Variants in COL5A2 observed in about 807,000 individuals in gnomAD.
COL5A2 encodes the protein collagen alpha-2(V) chain.
In COL5A2, 23 loss-of-function variants were observed where a neutral mutation model predicts 208.2. The observed-to-expected ratio is 0.11, with a 90% confidence interval of 0.08 to 0.16. COL5A2 has a LOEUF of 0.16. COL5A2 is among the 10% of genes least tolerant of loss of function. The probability of loss-of-function intolerance (pLI) is 1.00; values close to 1 mark genes in which losing one functional copy is unlikely to be tolerated. For missense variants in COL5A2, 1,590 were observed against 1,956.4 expected (o/e 0.81, Z 3.53); for synonymous variants, 625 against 628.5 (o/e 0.99, Z 0.08).
chr2:189,122,345 G>A (rs1335460019), intron 1 of COL5A2, among the ~76,000 whole-genome samples: 1 of 152,124 alleles, frequency 6.6e-6, no homozygotes, highest in Non-Finnish European at 1.5e-5. Flanking sequence ...TATTTGAGGT[G>A]GTGGGGGTAA....
the COL5A2 span, among the ~76,000 whole-genome samples, chr2:189,245,455 T>C: frequency 6.6e-6 from 1 of 151,760 alleles, no homozygotes; most frequent in Admixed American, 6.6e-5. Context: ...TCTGTTTTAT[T>C]TTAAGATTAA....
chr2:189,044,380 C>T (rs148239790), intron 47 of COL5A2, among the ~76,000 whole-genome samples: 6 of 152,030 alleles, frequency 3.9e-5, no homozygotes, highest in African/African-American at 1.2e-4. Flanking sequence ...TCATAATGTT[C>T]GAAAGGTTCT....
At chr2:189,437,587 A>T in the COL5A2 span, among the ~76,000 whole-genome samples, 4 of 152,230 alleles carry the variant, frequency 2.6e-5, no homozygotes, top group South Asian at 8.3e-4. Context: ...GTTAACCTTA[A>T]ATGGAACATA....
intron 29 of COL5A2, 96 bp from the exon 30 acceptor site, chr2:189,061,711 T>C: frequency 2.2e-6 from 2 of 921,230 alleles, no homozygotes; most frequent in Non-Finnish European, 1.8e-6. Flanking sequence ...TTTATTTGTA[T>C]TTCTTCCAAT....
Position 189,070,082 on chromosome 2 carries a change from C to T in COL5A2, c.1159-1198G>A, listed in dbSNP as rs145797051. On this transcript the variant is annotated intron_variant, in intron 18 of 53. Transcript: ENST00000374866. The stretch of plus-strand genomic sequence containing the variant: ...TGAGTCCAGCTGGCAAATAAAAATG[C>T]CTAGTTGAGTTTTCATTCATATAAA... Among the ~76,000 whole-genome samples the T allele has an allele frequency of 5.8e-3, 880 of 152,238 alleles. 7 individuals carry two copies. The highest frequency in any genetic ancestry group is 5.9e-3 in the Non-Finnish European group (404 of 68,014).
chr2:189,058,551 A>G, intron 32 of COL5A2, 24 bp from the exon 33 acceptor site: 1 of 1,563,930 alleles, frequency 6.4e-7, no homozygotes, highest in Non-Finnish European at 8.8e-7. Context: ...GGGATGTCAA[A>G]TAATCTCAAT....
chr2:189,278,731 T>C, the COL5A2 span, among the ~76,000 whole-genome samples: 1 of 152,076 alleles, frequency 6.6e-6, no homozygotes, highest in Non-Finnish European at 1.5e-5. Flanking sequence ...TCTTAGATAC[T>C]GATACTTCTT....
intron 11 of COL5A2, 96 bp downstream of exon 11, chr2:189,085,064 G>T: frequency 1.0e-6 from 1 of 990,318 alleles, no homozygotes. Flanking sequence ...AAAGGGTGGG[G>T]AAATGTAATG....
intron 1 of COL5A2, among the ~76,000 whole-genome samples, chr2:189,212,474 T>C (rs1689225991): frequency 6.6e-6 from 1 of 151,512 alleles, no homozygotes; most frequent in Non-Finnish European, 1.5e-5. Flanking sequence ...CCAGTCTCTA[T>C]TAAAAATACA....
chr2:189,259,459 G>C, the COL5A2 span, among the ~76,000 whole-genome samples: 1 of 152,052 alleles, frequency 6.6e-6, no homozygotes, highest in Admixed American at 6.6e-5. Flanking sequence ...CCCTAATTTA[G>C]ACCAAATTTT....
At chr2:189,266,792 T>C in the COL5A2 span, among the ~76,000 whole-genome samples, 2 of 152,140 alleles carry the variant, frequency 1.3e-5, no homozygotes, top group Non-Finnish European at 2.9e-5. Context: ...CCTCAAAAGA[T>C]GTTATAAAAG....
At chr2:189,430,447 A>C in the COL5A2 span, among the ~76,000 whole-genome samples, 1 of 152,190 alleles carries the variant, frequency 6.6e-6, no homozygotes, top group African/African-American at 2.4e-5. Flanking sequence ...AGCCAAGGGA[A>C]GCCATGACAG....
chr2:189,301,414 A>T, the COL5A2 span, among the ~76,000 whole-genome samples: 1 of 152,318 alleles, frequency 6.6e-6, no homozygotes, highest in African/African-American at 2.4e-5. Flanking sequence ...TTGGGAAATA[A>T]GAATCTCTAT....
chr2:189,266,363 T>A, the COL5A2 span, among the ~76,000 whole-genome samples: 1 of 151,304 alleles, frequency 6.6e-6, no homozygotes, highest in Non-Finnish European at 1.5e-5. Context: ...GAGGCGGAGG[T>A]TACAGTGAGC....
At chr2:189,157,133 T>TATAGATATATATAGATATAGATATATCG (rs1248443342) in intron 1 of COL5A2, among the ~76,000 whole-genome samples, 4 of 82,840 alleles carry the variant, frequency 4.8e-5, no homozygotes, top group Admixed American at 4.0e-4. Context: ...TCTATCTATA[T>TATAGATATATATAGATATAGATATATCG]ATATATCTAT....
chr2:189,318,276 A>AT, the COL5A2 span, among the ~76,000 whole-genome samples: 3 of 152,174 alleles, frequency 2.0e-5, no homozygotes, highest in Non-Finnish European at 2.9e-5. Flanking sequence ...TGACAAGGGG[A>AT]TAAAAAATAC....
chr2:189,194,482 A>G (rs1460998620), intron 1 of COL5A2, among the ~76,000 whole-genome samples: 1 of 152,124 alleles, frequency 6.6e-6, no homozygotes, highest in South Asian at 2.1e-4. Context: ...TTTTTTTCCA[A>G]TTAACACTGT....
chr2:189,381,287 T>TTAAAAAA, the COL5A2 span, among the ~76,000 whole-genome samples: 170 of 152,232 alleles, frequency 1.1e-3, no homozygotes, highest in African/African-American at 3.7e-3. Flanking sequence ...AAGAAACATC[T>TTAAAAAA]ATCAGAAGCT....
the COL5A2 span, among the ~76,000 whole-genome samples, chr2:189,266,862 A>G: frequency 6.6e-6 from 1 of 152,194 alleles, no homozygotes; most frequent in East Asian, 1.9e-4. Context: ...TGAAATATAT[A>G]GATAATCTAT....
Sources: allele counts gnomAD v4.1 joint callset (sites outside exome capture counted in the v4.1 genomes callset), GRCh38; gene constraint gnomAD v4.1.1; transcripts MANE v1.5; gene names NCBI Gene and HGNC (gene_info 2026-07-23, HGNC 2026-07-21).